COL21A1: variants seen among roughly 807,000 people sequenced by gnomAD.
COL21A1 encodes collagen type XXI alpha 1 chain.
COL21A1 carries 149 observed loss-of-function variants against 137.9 expected under a neutral mutation model. That is an observed-to-expected ratio of 1.08 (90% CI 0.95 to 1.24). COL21A1 has a LOEUF of 1.24. Among genes scored for constraint, COL21A1 ranks in the 50% most tolerant of loss-of-function variants. COL21A1 has a pLI of 0.00. For missense variants in COL21A1, 1,167 were observed against 1,158.4 expected, an observed-to-expected ratio of 1.01 and a Z score of -0.11; for synonymous variants, 456 against 391.5, an observed-to-expected ratio of 1.16 and a Z score of -1.95.
At chr6:56,283,011 C>T (rs1017818124) in intron 1 of COL21A1, among the ~76,000 whole-genome samples, 1 of 152,114 alleles carries the variant, frequency 6.6e-6, no homozygotes, top group African/African-American at 2.4e-5. Context: ...GAAGGAACTT[C>T]TATTACAATA....
intron 1 of COL21A1, among the ~76,000 whole-genome samples, chr6:56,260,693 CAG>C (rs1763244463): frequency 4.9e-5 from 2 of 40,610 alleles, no homozygotes; most frequent in Admixed American, 2.4e-4. Flanking sequence ...GGAAGGAAGG[CAG>C]GCAGGCAGGC....
intron 1 of COL21A1, among the ~76,000 whole-genome samples, chr6:56,393,726 T>C (rs1447413430): frequency 6.6e-6 from 1 of 152,126 alleles, no homozygotes; most frequent in Non-Finnish European, 1.5e-5. Flanking sequence ...GCCTACACCA[T>C]GAGGCAGGTA....
intron 26 of COL21A1, 43 bp downstream of exon 26, chr6:56,060,848 A>C (rs370611548): frequency 1.8e-4 from 290 of 1,585,068 alleles, no homozygotes; most frequent in Non-Finnish European, 2.3e-4. Flanking sequence ...ATGAGCAAAA[A>C]TCAATGAAAA....
At chr6:56,309,447 G>A (rs758814538) in intron 1 of COL21A1, among the ~76,000 whole-genome samples, 4 of 152,200 alleles carry the variant, frequency 2.6e-5, no homozygotes, top group African/African-American at 4.8e-5. Flanking sequence ...TTTAGAGAGA[G>A]TGTCTTTGAA....
At chr6:56,257,316 T>C (rs1011497251) in intron 1 of COL21A1, among the ~76,000 whole-genome samples, 1 of 152,078 alleles carries the variant, frequency 6.6e-6, no homozygotes, top group African/African-American at 2.4e-5. Flanking sequence ...CTGGTGAGAG[T>C]ATAACTTAGT....
rs111647302 is a variant in COL21A1 at position 56,132,991 on chromosome 6, C to A, written c.1543-6842G>T. On this transcript the variant is annotated intron_variant, in intron 12 of 29. Transcript: ENST00000244728. ...TCTTTTGTAAATTGCCCAGTCTCAG[C>A]TATGTCTTTATCAGCAGTGTGAAAA... Among the ~76,000 whole-genome samples, 472 of 152,250 alleles carry A rather than the reference C, an allele frequency of 3.1e-3. 5 individuals are homozygous for A. Among genetic ancestry groups the A allele is most frequent in the African/African-American group, 0.011 (458 of 41,538 alleles).
Position 56,155,749 on chromosome 6 carries a change from C to A in COL21A1, c.1434+1138G>T, listed in dbSNP as rs1775693739. ...TAGCTGGGATTATAGGTGTGTGCCA[C>A]CACACCCAGCTAATTTTTGTATTTC... On this transcript the variant is annotated intron_variant, in intron 10 of 29. Transcript: ENST00000244728. 2.0e-5 allele frequency among the ~76,000 whole-genome samples: 3 copies of A among 152,104 alleles called. No homozygotes were observed. In the South Asian group the frequency reaches 6.2e-4, roughly 32 times the overall value.
At position 56,075,541 on chromosome 6, in the gene COL21A1, A is replaced by G. The variant is rs760326608; in HGVS notation, c.1858-9T>C. Reference sequence around the variant, plus strand: ...GGAGGCCCAATTTCTCCCTAAAAAAATCAAACATTAAAAACATTATAAATT... The same window carrying G: ...GGAGGCCCAATTTCTCCCTAAAAAAGTCAAACATTAAAAACATTATAAATT... On this transcript the variant is annotated splice_polypyrimidine_tract_variant and intron_variant, in intron 18 of 29. Coordinates refer to ENST00000244728, the MANE Select transcript of COL21A1 (RefSeq NM_030820.4). 13 of 1,509,552 alleles carry G rather than the reference A, an allele frequency of 8.6e-6. No individual in the cohort carries two copies. The Admixed American group carries it at 1.7e-4, about 19-fold the overall frequency. The allele number at this position is 1,509,552 out of a possible 1,614,324, so 93.5% of individuals were successfully genotyped here.
At chr6:56,352,747 A>G (rs1000126049) in intron 1 of COL21A1, among the ~76,000 whole-genome samples, 2 of 152,108 alleles carry the variant, frequency 1.3e-5, no homozygotes, top group Admixed American at 6.5e-5. Context: ...GTCTTACAGA[A>G]AAGATCTTCA....
chr6:56,377,498 T>A (rs2094001474), intron 1 of COL21A1, among the ~76,000 whole-genome samples: 1 of 151,994 alleles, frequency 6.6e-6, no homozygotes, highest in African/African-American at 2.4e-5. Context: ...CAAACCAAAC[T>A]CAGCTGACAT....
chr6:56,097,710 G>T (rs570644195), intron 17 of COL21A1, among the ~76,000 whole-genome samples: 1 of 139,406 alleles, frequency 7.2e-6, no homozygotes, highest in African/African-American at 2.7e-5. Flanking sequence ...AAGCAGCCAT[G>T]GGAAAGGAAA....
In COL21A1 at chr6:56,132,783, C is replaced by T. The variant is rs1273026625; in HGVS notation, c.1543-6634G>A. The stretch of plus-strand genomic sequence containing the variant: ...ATCATAGGGGCGGGTCTTTCACGTG[C>T]TGCTCTCATGATAGTGAATATGTCT... On this transcript the variant is annotated intron_variant, in intron 12 of 29. Transcript: ENST00000244728. Among the ~76,000 whole-genome samples, 3 of 152,126 alleles carry T rather than the reference C, an allele frequency of 2.0e-5. No homozygotes were observed. The East Asian group carries it at 5.8e-4, about 29-fold the overall frequency.
At chr6:56,223,704 G>A (rs1781004684) in intron 1 of COL21A1, among the ~76,000 whole-genome samples, 1 of 151,990 alleles carries the variant, frequency 6.6e-6, no homozygotes, top group Non-Finnish European at 1.5e-5. Context: ...TGCATTCATG[G>A]TAAACTACCT....
intron 1 of COL21A1, among the ~76,000 whole-genome samples, chr6:56,364,778 AAAAG>A (rs1482875606): frequency 5.3e-5 from 8 of 152,256 alleles, no homozygotes; most frequent in African/African-American, 1.9e-4. Context: ...AAAAAAAAAA[AAAAG>A]ATTCAGAAAT....
intron 9 of COL21A1, among the ~76,000 whole-genome samples, chr6:56,159,766 A>T (rs1474750170): frequency 1.3e-5 from 2 of 151,934 alleles, no homozygotes; most frequent in Non-Finnish European, 2.9e-5. Flanking sequence ...TATCAGCAAA[A>T]CCTAAGATAT....
In COL21A1 at chr6:56,057,379, A is replaced by G. The variant is rs961537462; in HGVS notation, c.*278T>C. On this transcript the variant is annotated 3_prime_UTR_variant, in exon 30 of 30. Transcript: ENST00000244728. ...ACTAAAACTGACTGGCTAACAGGCA[A>G]TGGTGGATTTTTATATTCAACTTTG... 1.3e-5 allele frequency: 5 copies of G among 376,528 alleles called. No homozygotes were observed. Among genetic ancestry groups the G allele is most frequent in the Non-Finnish European group, 2.4e-5 (5 of 208,082 alleles). 23.3% of individuals were successfully genotyped at this position (376,528 alleles called of 1,614,324 possible).
intron 17 of COL21A1, 56 bp downstream of exon 17, chr6:56,101,416 A>G: frequency 1.5e-6 from 2 of 1,323,776 alleles, no homozygotes; most frequent in South Asian, 2.5e-5. Flanking sequence ...ACCAAAAAGG[A>G]TTTCGTAACA....
chr6:56,302,323 G>A (rs970775785), intron 1 of COL21A1, among the ~76,000 whole-genome samples: 2 of 152,142 alleles, frequency 1.3e-5, no homozygotes, highest in Non-Finnish European at 2.9e-5. Context: ...CACAATGGTT[G>A]CACTAGTTTA....
At chr6:56,335,449 T>C (rs960656459) in intron 1 of COL21A1, among the ~76,000 whole-genome samples, 1 of 152,108 alleles carries the variant, frequency 6.6e-6, no homozygotes, top group Non-Finnish European at 1.5e-5. Flanking sequence ...CGGCCCGAAA[T>C]AGCCAGGATT....
Sources: allele counts gnomAD v4.1 joint callset (sites outside exome capture counted in the v4.1 genomes callset), GRCh38; gene constraint gnomAD v4.1.1; transcripts MANE v1.5; gene names NCBI Gene and HGNC (gene_info 2026-07-23, HGNC 2026-07-21).